KCNN2: variants seen among roughly 807,000 people sequenced by gnomAD.
KCNN2 encodes potassium calcium-activated channel subfamily N member 2, also known as small conductance calcium-activated potassium channel protein 2.
Under a neutral mutation model 55.5 loss-of-function variants are expected in KCNN2, and 24 were observed. The ratio of observed to expected loss-of-function variants is 0.43; its 90% CI spans 0.31 to 0.61. The LOEUF (loss-of-function observed/expected upper bound fraction) is 0.61. Among genes scored for constraint, KCNN2 ranks in the 20% least tolerant of loss-of-function variants. The pLI is 0.08. For missense variants in KCNN2, 754 were observed against 853.6 expected (o/e 0.88, Z 1.45); for synonymous variants, 431 against 336.1 (o/e 1.28, Z -3.09).
intron 1 of KCNN2, among the ~76,000 whole-genome samples, chr5:114,072,997 C>CT (rs1281405206): frequency 2.7e-4 from 41 of 152,248 alleles, no homozygotes; most frequent in African/African-American, 9.6e-4. Flanking sequence ...GTGGATTACT[C>CT]TAAGTGATTT....
intron 1 of KCNN2, among the ~76,000 whole-genome samples, chr5:114,124,468 GC>G (rs1313366935): frequency 1.3e-5 from 2 of 151,960 alleles, no homozygotes; most frequent in South Asian, 2.1e-4. Context: ...ACCATGATCT[GC>G]CCCCCCTGGA....
Position 114,402,240 on chromosome 5 carries a change from A to G in KCNN2, c.1219-2198A>G, listed in dbSNP as rs1019359372. On this transcript the variant is annotated intron_variant, in intron 2 of 7. Transcript: ENST00000673685. ...AGGAATGACAGGACAAATGAGATAA[A>G]AATTAAGATGGGAGGATCAGATTTC... 2.6e-5 allele frequency among the ~76,000 whole-genome samples: 4 copies of G among 152,200 alleles called. No individual in the cohort carries two copies. In the East Asian group the frequency reaches 7.7e-4, roughly 29 times the overall value.
chr5:114,289,317 G>C (rs1022771742), intron 2 of KCNN2, among the ~76,000 whole-genome samples: 2 of 150,368 alleles, frequency 1.3e-5, no homozygotes, highest in Non-Finnish European at 3.0e-5. Flanking sequence ...TTGGCTGTTT[G>C]ACCAGTTTCA....
intron 1 of KCNN2, among the ~76,000 whole-genome samples, chr5:114,212,591 T>C (rs1753910470): frequency 1.3e-5 from 2 of 151,864 alleles, no homozygotes; most frequent in South Asian, 4.2e-4. Flanking sequence ...ACATTTTTCT[T>C]CACTCTGCCT....
chr5:114,385,650 T>A (rs1758258242), intron 2 of KCNN2, among the ~76,000 whole-genome samples: 1 of 151,918 alleles, frequency 6.6e-6, no homozygotes, highest in African/African-American at 2.4e-5. Context: ...ATATACCACT[T>A]TCACCCAGGT....
chr5:114,165,836 T>G (rs1335614696), intron 1 of KCNN2, among the ~76,000 whole-genome samples: 1 of 152,182 alleles, frequency 6.6e-6, no homozygotes, highest in African/African-American at 2.4e-5. Flanking sequence ...GATTAGTAGT[T>G]AAGTTTTGGA....
Position 114,362,832 on chromosome 5 carries a change from G to C in KCNN2, c.693G>C (p.Ala231=), listed in dbSNP as rs1444518352. 2 of 1,599,542 alleles carry C rather than the reference G, an allele frequency of 1.3e-6. No individual in the cohort carries two copies. The highest frequency in any genetic ancestry group is 1.7e-6 in the Non-Finnish European group (2 of 1,178,368). Residue 231 remains alanine, a synonymous_variant, in exon 1 of 8, where the codon GCG becomes GCC. Transcript: ENST00000673685. The part of the protein sequence containing the change: ...GVMRPLSNLS[A]SRRNLHEMDS... ...TGCGGCCGCTCAGCAACTTGAGCGC[G>C]TCCCGCCGGAACCTGCACGAGATGG...
intron 1 of KCNN2, among the ~76,000 whole-genome samples, chr5:114,171,691 G>C (rs1476154279): frequency 4.1e-5 from 4 of 97,904 alleles, no homozygotes; most frequent in Non-Finnish European, 8.8e-5. Flanking sequence ...TTTTTTTTTT[G>C]AGAACTGTGT....
intron 2 of KCNN2, among the ~76,000 whole-genome samples, chr5:114,393,845 A>G (rs1386981247): frequency 6.6e-6 from 1 of 151,448 alleles, no homozygotes; most frequent in African/African-American, 2.4e-5. Flanking sequence ...ACGTTTCTTC[A>G]TCTTTTATTT....
At chr5:114,060,684 A>G (rs1750307797) in intron 1 of KCNN2, among the ~76,000 whole-genome samples, 1 of 152,318 alleles carries the variant, frequency 6.6e-6, no homozygotes, top group African/African-American at 2.4e-5. Context: ...ACAATCTCTT[A>G]GAGACTATTT....
intron 2 of KCNN2, among the ~76,000 whole-genome samples, chr5:114,271,525 A>G (rs752839954): frequency 3.3e-5 from 5 of 152,198 alleles, no homozygotes; most frequent in African/African-American, 9.6e-5. Context: ...ATACAATACT[A>G]TCCTCAAGGT....
At chr5:114,372,341 C>T (rs559378063) in intron 2 of KCNN2, among the ~76,000 whole-genome samples, 2 of 152,310 alleles carry the variant, frequency 1.3e-5, no homozygotes, top group Admixed American at 6.5e-5. Context: ...GAGCCATCTG[C>T]TCATCCATGA....
At position 114,387,958 on chromosome 5, in the gene KCNN2, GTCTGTAGA is replaced by G. The variant is rs1758336205; in HGVS notation, c.1219-16479_1219-16472del. 1.3e-5 allele frequency among the ~76,000 whole-genome samples: 2 copies of G among 152,126 alleles called. 1 individual carries two copies. Among genetic ancestry groups the G allele is most frequent in the African/African-American group, 4.8e-5 (2 of 41,440 alleles). On this transcript the variant is annotated intron_variant, in intron 2 of 7. Transcript: ENST00000673685. ...TTCCTAGTCTCTTTACCCGCCTTCT[GTCTGTAGA>G]GGCAGCTGCCATTCAGAAACTCATG...
At chr5:114,232,247 A>T (rs1477531172) in intron 2 of KCNN2, among the ~76,000 whole-genome samples, 1 of 151,118 alleles carries the variant, frequency 6.6e-6, no homozygotes, top group African/African-American at 2.5e-5. Flanking sequence ...AATTAGAAAT[A>T]GGATGAGAAC....
rs191962893 is a variant in KCNN2, at chr5:114,337,138, G to C, written c.-184-23807G>C. Among the ~76,000 whole-genome samples, 319 of 152,246 alleles carry C rather than the reference G, an allele frequency of 2.1e-3. 1 individual carries two copies. The highest frequency in any genetic ancestry group is 3.7e-3 in the Non-Finnish European group (250 of 68,012). On this transcript the variant is annotated intron_variant, in intron 2 of 10. Transcript: ENST00000512097. The stretch of plus-strand genomic sequence containing the variant: ...ATCAAAGAAAAAGGGGATGATCACT[G>C]GAACAAAGATAGAGATATCTCAGAT...
At chr5:114,158,797 C>G (rs377617765) in intron 1 of KCNN2, among the ~76,000 whole-genome samples, 3 of 151,946 alleles carry the variant, frequency 2.0e-5, no homozygotes, top group Non-Finnish European at 4.4e-5. Flanking sequence ...TGATTTGGCT[C>G]TCTGTTTGTC....
At chr5:114,205,965 A>G (rs1475962710) in intron 1 of KCNN2, among the ~76,000 whole-genome samples, 1 of 152,186 alleles carries the variant, frequency 6.6e-6, no homozygotes, top group Admixed American at 6.5e-5. Flanking sequence ...ATGGTACCAA[A>G]TAATAATTTT....
intron 1 of KCNN2, among the ~76,000 whole-genome samples, chr5:114,173,374 G>T (rs1168466298): frequency 6.7e-6 from 1 of 149,588 alleles, no homozygotes; most frequent in Admixed American, 6.7e-5. Flanking sequence ...GATTTCTCTG[G>T]TTTTGTTCTT....
chr5:114,364,928 A>G (rs553036361), intron 2 of KCNN2, among the ~76,000 whole-genome samples: 5 of 151,550 alleles, frequency 3.3e-5, no homozygotes, highest in African/African-American at 1.2e-4. Context: ...CAGTTGTTAG[A>G]CATTTGGTGG....
Sources: gnomAD v4.1 joint callset for allele counts (sites outside exome capture counted in the v4.1 genomes callset) on GRCh38, gnomAD v4.1.1 for gene constraint, MANE v1.5 for transcripts, NCBI Gene and HGNC (gene_info 2026-07-23, HGNC 2026-07-21) for gene names.